The following GFRA2 variants were observed in gnomAD, a reference collection of about 807,000 sequenced individuals.
The protein encoded by GFRA2 is GDNF family receptor alpha-2.
A neutral mutation model predicts 48.3 loss-of-function variants in GFRA2; 17 were observed. The ratio of observed to expected loss-of-function variants is 0.35; its 90% CI spans 0.24 to 0.53. The LOEUF (loss-of-function observed/expected upper bound fraction) is 0.53. Ranked by LOEUF, GFRA2 falls within the 20% of genes least tolerant of loss-of-function variation. The pLI is 0.93. For synonymous variants in GFRA2, 305 were observed against 257.2 expected, an observed-to-expected ratio of 1.19 and a Z score of -1.78; for missense variants, 660 against 637.3, an observed-to-expected ratio of 1.04 and a Z score of -0.38.
intron 2 of GFRA2, 67 bp downstream of exon 2, chr8:21,782,518 G>GC (rs1198473876): frequency 2.3e-5 from 28 of 1,228,674 alleles, no homozygotes; most frequent in East Asian, 5.1e-5. Context: ...TGAACCCCTG[G>GC]CCCGCCACAC....
rs1276757766 is a variant in GFRA2 at position 21,690,972 on chromosome 8, C to A, written c.*2306G>T. ...ACCACGTCTACCCGCAATGGCTGGACAGAGACCTGGCTGGCTCACTGTACC... is the reference window on the plus strand; with the variant it reads ...ACCACGTCTACCCGCAATGGCTGGAAAGAGACCTGGCTGGCTCACTGTACC... On this transcript the variant is annotated 3_prime_UTR_variant, in exon 9 of 9. Transcript: ENST00000524240. 6.6e-6 allele frequency: 1 copy of A among 152,216 alleles called. No homozygotes were observed. Among genetic ancestry groups the A allele is most frequent in the African/African-American group, 2.4e-5 (1 of 41,454 alleles). The allele number at this position is 152,216 out of a possible 1,614,324, so 9.4% of individuals were successfully genotyped here. A position where few individuals can be genotyped will look rare whatever the true frequency, so the allele number is the denominator to read the frequency against.
rs186236318 is a variant in GFRA2 at position 21,745,479 on chromosome 8, T to C, written c.794+5109A>G. Among the ~76,000 whole-genome samples the C allele has an allele frequency of 1.4e-3, 211 of 152,326 alleles. 1 individual carries two copies. The highest frequency in any genetic ancestry group is 2.0e-3 in the Non-Finnish European group (138 of 68,018). ...CACCCATCAAGGCCGGCTTCATTCA[T>C]TAAAGTACCAGCAAAGGCAGGTTGG... On this transcript the variant is annotated intron_variant, in intron 4 of 8. Coordinates refer to ENST00000524240, the MANE Select transcript of GFRA2 (RefSeq NM_001495.5).
At chr8:21,761,417 A>G (rs375337593) in intron 3 of GFRA2, among the ~76,000 whole-genome samples, 69 of 152,218 alleles carry the variant, frequency 4.5e-4, no homozygotes, top group African/African-American at 1.6e-3. Flanking sequence ...AAAAGCAGAG[A>G]CCCTGGTCCA....
intron 1 of GFRA2, among the ~76,000 whole-genome samples, chr8:21,807,795 G>A (rs1229954875): frequency 6.6e-6 from 1 of 152,202 alleles, no homozygotes; most frequent in Non-Finnish European, 1.5e-5. Flanking sequence ...GCCACATACC[G>A]ACTAGGGAAA....
intron 3 of GFRA2, among the ~76,000 whole-genome samples, chr8:21,759,543 A>AAGG (rs879376871): frequency 1.4e-5 from 2 of 147,284 alleles, no homozygotes; most frequent in South Asian, 2.2e-4. Context: ...GGAAGGAAGG[A>AAGG]GGGAAGGAAG....
At chr8:21,757,681 T>C (rs1290199462) in intron 3 of GFRA2, among the ~76,000 whole-genome samples, 1 of 152,114 alleles carries the variant, frequency 6.6e-6, no homozygotes, top group Non-Finnish European at 1.5e-5. Flanking sequence ...TGTATTTTTT[T>C]TAGTAGAGAC....
chr8:21,719,843 C>T (rs1481072879), intron 4 of GFRA2, among the ~76,000 whole-genome samples: 4 of 152,110 alleles, frequency 2.6e-5, no homozygotes, highest in African/African-American at 7.2e-5. Context: ...TGGCAGGTGC[C>T]CCTGCAGTGG....
At chr8:21,720,260 G>A (rs74983610) in intron 4 of GFRA2, among the ~76,000 whole-genome samples, 23 of 152,264 alleles carry the variant, frequency 1.5e-4, no homozygotes, top group African/African-American at 2.4e-4. Flanking sequence ...CAGGAAGCAC[G>A]GTGGCTGAGA....
upstream of GFRA2, among the ~76,000 whole-genome samples, chr8:21,790,533 G>T (rs1563269639): frequency 6.6e-6 from 1 of 152,210 alleles, no homozygotes; most frequent in Non-Finnish European, 1.5e-5. Context: ...GGATTTAGGC[G>T]GGAAGGCGGC....
At chr8:21,761,412 C>T (rs1563253491) in intron 3 of GFRA2, among the ~76,000 whole-genome samples, 1 of 152,214 alleles carries the variant, frequency 6.6e-6, no homozygotes, top group Non-Finnish European at 1.5e-5. Context: ...CCAGAAAAAG[C>T]AGAGACCCTG....
chr8:21,710,547 T>A (rs1802971264), intron 4 of GFRA2, among the ~76,000 whole-genome samples: 1 of 152,014 alleles, frequency 6.6e-6, no homozygotes, highest in South Asian at 2.1e-4. Flanking sequence ...ACCGTCCTTC[T>A]CCATGCCATG....
intron 2 of GFRA2, among the ~76,000 whole-genome samples, chr8:21,780,508 C>T (rs958678289): frequency 1.3e-5 from 2 of 152,208 alleles, no homozygotes; most frequent in African/African-American, 2.4e-5. Flanking sequence ...CCTCTCACTG[C>T]GGTCATGCAC....
chr8:21,691,091 T>G lies in GFRA2; in HGVS notation c.*2187A>C, dbSNP rs1801867579. 1 of 152,136 alleles carries G rather than the reference T, an allele frequency of 6.6e-6. No individual in the cohort carries two copies. The highest frequency in any genetic ancestry group is 1.5e-5 in the Non-Finnish European group (1 of 68,028). The allele number at this position is 152,136 out of a possible 1,614,324, so 9.4% of individuals were successfully genotyped here. On this transcript the variant is annotated 3_prime_UTR_variant, in exon 9 of 9. Transcript: ENST00000524240. ...ATATACAACCAGAAGCAAAAGCCAT[T>G]GAGGGGACCTGCGATTGGGAGATGG...
intron 2 of GFRA2, among the ~76,000 whole-genome samples, chr8:21,776,627 T>C (rs1211556486): frequency 3.3e-5 from 5 of 151,964 alleles, no homozygotes; most frequent in African/African-American, 1.2e-4. Flanking sequence ...CGTGCCACCA[T>C]GCCCAGCTAA....
At position 21,778,764 on chromosome 8, in the gene GFRA2, G is replaced by A. The variant is rs112085934; in HGVS notation, c.356-3709C>T. On this transcript the variant is annotated intron_variant, in intron 2 of 8. Transcript: ENST00000524240. Reference sequence around the variant, plus strand: ...TAGCCAAGCGTAGTGGCACGTGCCTGTAGTCCTAGCTTCTCGGGAGGCTGA... The same window carrying A: ...TAGCCAAGCGTAGTGGCACGTGCCTATAGTCCTAGCTTCTCGGGAGGCTGA... Among the ~76,000 whole-genome samples the A allele has an allele frequency of 9.6e-3, 1,468 of 152,258 alleles. 19 individuals are homozygous for A. The highest frequency in any genetic ancestry group is 0.032 in the African/African-American group (1,338 of 41,536).
At chr8:21,727,128 C>T in intron 4 of GFRA2, among the ~76,000 whole-genome samples, 1 of 152,204 alleles carries the variant, frequency 6.6e-6, no homozygotes, top group Non-Finnish European at 1.5e-5. Flanking sequence ...TTATTCAACC[C>T]ACTACACTCA....
intron 4 of GFRA2, among the ~76,000 whole-genome samples, chr8:21,733,901 A>G (rs1458318591): frequency 1.3e-5 from 2 of 152,212 alleles, no homozygotes; most frequent in Non-Finnish European, 2.9e-5. Context: ...AGGCTCCGAC[A>G]AAAGAAAAAA....
upstream of GFRA2, among the ~76,000 whole-genome samples, chr8:21,789,677 T>C (rs1048126653): frequency 1.2e-4 from 18 of 151,682 alleles, no homozygotes; most frequent in Non-Finnish European, 1.9e-4. Context: ...ACACGTGTGC[T>C]CTCCGCGCGG....
intron 6 of GFRA2, among the ~76,000 whole-genome samples, chr8:21,703,772 G>A (rs971869569): frequency 4.6e-5 from 7 of 152,054 alleles, no homozygotes; most frequent in Non-Finnish European, 7.4e-5. Flanking sequence ...TCCCATCGCT[G>A]TTCCCCTCCC....
Sources: allele counts gnomAD v4.1 joint callset (sites outside exome capture counted in the v4.1 genomes callset), GRCh38; gene constraint gnomAD v4.1.1; transcripts MANE v1.5; gene names NCBI Gene and HGNC (gene_info 2026-07-23, HGNC 2026-07-21).